The following CDH8 variants were observed in gnomAD, a reference collection of about 807,000 sequenced individuals.
The protein encoded by CDH8 is cadherin-8.
In CDH8, 17 loss-of-function variants were observed where a neutral mutation model predicts 68.1. The ratio of observed to expected loss-of-function variants is 0.25; its 90% CI spans 0.17 to 0.37. The LOEUF (loss-of-function observed/expected upper bound fraction) is 0.37, where lower values mean the gene tolerates loss of function less well. Ranked by LOEUF, CDH8 falls within the 10% of genes least tolerant of loss-of-function variation. CDH8 has a pLI of 1.00. For synonymous variants in CDH8, 372 were observed against 365.1 expected (o/e 1.02, Z -0.21); for missense variants, 763 against 999.3 (o/e 0.76, Z 3.19).
At chr16:61,706,402 G>A (rs368164898) in intron 10 of CDH8, among the ~76,000 whole-genome samples, 1 of 152,072 alleles carries the variant, frequency 6.6e-6, no homozygotes, top group Admixed American at 6.5e-5. Context: ...CGGATCACGA[G>A]GTCAGGAGAT....
At chr16:61,867,321 G>A (rs978053020) in intron 3 of CDH8, among the ~76,000 whole-genome samples, 1 of 152,084 alleles carries the variant, frequency 6.6e-6, no homozygotes, top group Non-Finnish European at 1.5e-5. Context: ...ATCCTGCTGT[G>A]TCAAGCTTCA....
At chr16:61,979,973 G>C (rs763858742) in intron 2 of CDH8, among the ~76,000 whole-genome samples, 2 of 152,088 alleles carry the variant, frequency 1.3e-5, no homozygotes, top group Non-Finnish European at 2.9e-5. Context: ...ATTTCACTCA[G>C]GCTATGTGCT....
chr16:62,010,479 A>C (rs1417458026), intron 2 of CDH8, among the ~76,000 whole-genome samples: 4 of 152,158 alleles, frequency 2.6e-5, no homozygotes, highest in African/African-American at 9.7e-5. Flanking sequence ...TTCTAGTGGA[A>C]ATGACTATTC....
intron 3 of CDH8, among the ~76,000 whole-genome samples, chr16:61,885,633 G>A (rs891194023): frequency 2.0e-4 from 30 of 151,050 alleles, no homozygotes; most frequent in Admixed American, 1.7e-3. Context: ...ATACATAAAC[G>A]TGTGGGAATT....
intron 8 of CDH8, among the ~76,000 whole-genome samples, chr16:61,779,423 T>TTGTGTGTG (rs1377776424): frequency 4.7e-5 from 3 of 64,032 alleles, no homozygotes; most frequent in Non-Finnish European, 6.8e-5. Context: ...TAATGTTCGT[T>TTGTGTGTG]TATGTGTGTG....
chr16:61,887,913 G>A (rs1280283892), intron 3 of CDH8, among the ~76,000 whole-genome samples: 7 of 152,130 alleles, frequency 4.6e-5, no homozygotes, highest in South Asian at 2.1e-4. Flanking sequence ...GCCTAGAGCA[G>A]AAACTAAGTA....
rs1436381 is a variant in CDH8, at chr16:61,851,553, C to T, written c.667+5566G>A. 8.6e-4 allele frequency among the ~76,000 whole-genome samples: 131 copies of T among 152,106 alleles called. 2 individuals carry two copies. The South Asian group carries it at 0.026, about 30-fold the overall frequency. On this transcript the variant is annotated intron_variant, in intron 4 of 11. Transcript: ENST00000577390. ...ATGGACTGCATCTGTTTTCTCACTG[C>T]TGTCCTCAAATTAGTGCCTTTTAAA...
At chr16:61,755,654 A>G (rs1208027947) in intron 8 of CDH8, among the ~76,000 whole-genome samples, 1 of 151,982 alleles carries the variant, frequency 6.6e-6, no homozygotes, top group Non-Finnish European at 1.5e-5. Context: ...TTTCTCTTTT[A>G]TTTTATTTTA....
chr16:61,869,803 T>G (rs2143036036), intron 3 of CDH8, among the ~76,000 whole-genome samples: 1 of 152,350 alleles, frequency 6.6e-6, no homozygotes, highest in South Asian at 2.1e-4. Flanking sequence ...AAGAAAATTC[T>G]GACATTATTT....
rs182531623 is a variant in CDH8 at position 61,918,989 on chromosome 16, T to G, written c.253-17516A>C. 3.4e-5 allele frequency among the ~76,000 whole-genome samples: 5 copies of G among 146,576 alleles called. 1 individual carries two copies. The highest frequency in any genetic ancestry group is 6.0e-5 in the Non-Finnish European group (4 of 67,010). ...GATCTGAGAACCGGCAGACTGCCTC[T>G]TCAAGTGGGTCCCTGACCCTGACCC... On this transcript the variant is annotated intron_variant, in intron 2 of 11. Coordinates refer to ENST00000577390, the MANE Select transcript of CDH8 (RefSeq NM_001796.5).
At chr16:61,756,767 A>G (rs190380315) in intron 8 of CDH8, among the ~76,000 whole-genome samples, 2 of 152,282 alleles carry the variant, frequency 1.3e-5, no homozygotes, top group Admixed American at 1.3e-4. Flanking sequence ...CAAAAAGTAC[A>G]TGTTATTGAC....
intron 4 of CDH8, among the ~76,000 whole-genome samples, chr16:61,827,169 T>C (rs1315262615): frequency 6.6e-6 from 1 of 151,924 alleles, no homozygotes; most frequent in Non-Finnish European, 1.5e-5. Flanking sequence ...TACATTTTCA[T>C]GACCTAGAAT....
chr16:61,887,215 G>C (rs1963690873), intron 3 of CDH8, among the ~76,000 whole-genome samples: 1 of 151,920 alleles, frequency 6.6e-6, no homozygotes. Context: ...GGTAACATTG[G>C]TAATGATAAT....
At chr16:61,978,262 C>G (rs949363557) in intron 2 of CDH8, among the ~76,000 whole-genome samples, 5 of 152,068 alleles carry the variant, frequency 3.3e-5, no homozygotes, top group African/African-American at 1.2e-4. Flanking sequence ...TGTATGTGAA[C>G]CTCTTCCTGC....
intron 10 of CDH8, among the ~76,000 whole-genome samples, chr16:61,687,683 G>C (rs1174055327): frequency 1.3e-5 from 2 of 152,000 alleles, no homozygotes; most frequent in Non-Finnish European, 2.9e-5. Flanking sequence ...GCTTTCTGGA[G>C]TCAGACTTTT....
At chr16:61,727,043 G>A (rs778260497) in intron 9 of CDH8, 51 bp downstream of exon 9, 2 of 1,592,854 alleles carry the variant, frequency 1.3e-6, no homozygotes, top group South Asian at 2.2e-5. Context: ...AGTCAAATAT[G>A]AGACAGTTGT....
At chr16:61,909,882 C>T (rs553754459) in intron 2 of CDH8, among the ~76,000 whole-genome samples, 1 of 152,106 alleles carries the variant, frequency 6.6e-6, no homozygotes, top group South Asian at 2.1e-4. Context: ...GGCTGGCAAG[C>T]TTTTTCCCAG....
chr16:62,031,810 C>T (rs1902334211), intron 1 of CDH8, among the ~76,000 whole-genome samples: 1 of 152,038 alleles, frequency 6.6e-6, no homozygotes, highest in African/African-American at 2.4e-5. Flanking sequence ...AGTATTGGCC[C>T]CGGTGCTTTG....
chr16:62,003,076 G>T (rs1021801393), intron 2 of CDH8, among the ~76,000 whole-genome samples: 2 of 152,066 alleles, frequency 1.3e-5, no homozygotes, highest in Non-Finnish European at 2.9e-5. Flanking sequence ...GAAATGTTTG[G>T]CACATAATCA....
Sources: allele counts gnomAD v4.1 joint callset (sites outside exome capture counted in the v4.1 genomes callset), GRCh38; gene constraint gnomAD v4.1.1; transcripts MANE v1.5; gene names NCBI Gene and HGNC (gene_info 2026-07-23, HGNC 2026-07-21).